The following NEU4 variants were observed in gnomAD, a reference collection of about 807,000 sequenced individuals.
The protein encoded by NEU4 is neuraminidase 4.
NEU4 carries 7 observed loss-of-function variants against 9.9 expected under a neutral mutation model. The observed-to-expected ratio is 0.71, with a 90% CI of 0.40 to 1.33. NEU4 has a LOEUF of 1.33. Among genes scored for constraint, NEU4 ranks in the 40% most tolerant of loss-of-function variants. The pLI, the probability that NEU4 is intolerant of heterozygous loss-of-function variation, is 0.01. For missense variants in NEU4, 717 were observed against 712.6 expected (o/e 1.01, Z -0.07); for synonymous variants, 348 against 316.9 (o/e 1.10, Z -1.04).
intron 3 of NEU4, chr2:241,815,817 C>G: frequency 1.7e-6 from 1 of 598,154 alleles, no homozygotes; most frequent in Non-Finnish European, 3.0e-6. Context: ...GGGCAGCGCT[C>G]ACCAGCCTCC....
rs113253790 is a variant in NEU4, at chr2:241,816,358, C to T, written c.765C>T (p.Asp255=). 142 of 1,587,976 alleles carry T rather than the reference C, an allele frequency of 8.9e-5. 1 individual carries two copies. In the African/African-American group the frequency reaches 9.8e-4, roughly 11 times the overall value. The stretch of plus-strand genomic sequence containing the variant: ...GCCGTGTGCAGGCGCTCAGCACTGA[C>T]GAGGGCACCTCCTTCCTGCCCGCAG... The part of the protein sequence containing the change: ...LGSRVQALST[D]EGTSFLPAER... Residue 255 remains aspartate, a synonymous_variant, in exon 4 of 4, where the codon GAC becomes GAT. Coordinates refer to ENST00000407683, the MANE Select transcript of NEU4 (RefSeq NM_001167600.3).
chr2:241,816,423 A>G lies in NEU4; in HGVS notation c.830A>G (p.Gln277Arg). Residue 277 changes from glutamine to arginine, a missense_variant, in exon 4 of 4, where the codon CAG becomes CGG. Gln to Arg is a conservative substitution (Grantham distance 43, BLOSUM62 1). Transcript: ENST00000407683. ...CTGCCCGAGACTGCCTGGGGCTGCCAGGGCAGCATCGTGGGCTTCCCAGCC... is the reference window on the plus strand; with the variant it reads ...CTGCCCGAGACTGCCTGGGGCTGCCGGGGCAGCATCGTGGGCTTCCCAGCC... ...ASLPETAWGCQGSIVGFPAPA... is the reference protein window; with the variant it reads ...ASLPETAWGCRGSIVGFPAPA... The G allele has an allele frequency of 6.2e-7, 1 of 1,606,798 alleles. No individual in the cohort carries two copies. The highest frequency in any genetic ancestry group is 1.3e-5 in the African/African-American group (1 of 74,958).
chr2:241,814,715 G>A (rs1228032580), intron 2 of NEU4, 30 bp downstream of exon 2: 2 of 1,528,846 alleles, frequency 1.3e-6, no homozygotes, highest in East Asian at 2.4e-5. Flanking sequence ...CTCTGTGTGG[G>A]TGTAGTGGCC....
At chr2:241,811,223 G>T in intron 1 of NEU4, 1 of 1,244,126 alleles carries the variant, frequency 8.0e-7, no homozygotes, top group Non-Finnish European at 1.0e-6. Context: ...TTGACCTGCA[G>T]AGGGGAGCCT....
chr2:241,814,507 C>T lies in NEU4; in HGVS notation c.23C>T (p.Ser8Leu), dbSNP rs763668285. MGVPRTP[S>L]RTVLFERERT... ...AGCATGGGGGTCCCTCGTACCCCTT[C>T]ACGGACAGTGCTCTTCGAGCGGGAG... The change falls in exon 2 of 4, where the codon TCA (serine) becomes TTA (leucine). Residue 8 changes from serine (S) to leucine (L), a missense_variant. Ser to Leu is a moderately radical substitution (Grantham distance 145, BLOSUM62 -2). Transcript: ENST00000407683. 1 of 1,611,230 alleles carries T rather than the reference C, an allele frequency of 6.2e-7. No homozygotes were observed. The highest frequency in any genetic ancestry group is 1.1e-5 in the South Asian group (1 of 90,948).
chr2:241,811,267 T>C (rs1700104528), intron 1 of NEU4: 3 of 1,263,652 alleles, frequency 2.4e-6, no homozygotes, highest in Non-Finnish European at 3.0e-6. Flanking sequence ...GGCTCCTGGG[T>C]GCCCATCTGC....
Position 241,816,249 on chromosome 2 carries a change from G to A in NEU4, c.656G>A (p.Arg219His), listed in dbSNP as rs371140890. 15 of 1,607,946 alleles carry A rather than the reference G, an allele frequency of 9.3e-6. No homozygotes were observed. The highest frequency in any genetic ancestry group is 6.7e-5 in the Admixed American group (4 of 59,522). ...WRCGGLVPNLRSGECQLAAVD... is the reference protein window; with the variant it reads ...WRCGGLVPNLHSGECQLAAVD... ...TGTGGAGGCCTCGTGCCCAACCTGC[G>A]CTCAGGCGAGTGCCAGCTGGCAGCG... Residue 219 changes from arginine to histidine, a missense_variant, in exon 4 of 4, where the codon CGC (arginine) becomes CAC (histidine). Transcript: ENST00000407683.
chr2:241,811,472 G>T (rs1212682324), intron 1 of NEU4: 2 of 1,563,512 alleles, frequency 1.3e-6, no homozygotes, highest in Non-Finnish European at 1.7e-6. Flanking sequence ...GTGAGTCCCT[G>T]CCCTTTGCAC....
chr2:241,817,105 C>A lies in NEU4; in HGVS notation c.*57C>A. The stretch of plus-strand genomic sequence containing the variant: ...GTGCCTGGGGCAGAGGGGTGGAATA[C>A]GTTGGGGTGCCCCACGATAGCTGTG... On this transcript the variant is annotated 3_prime_UTR_variant, in exon 4 of 4. Coordinates refer to ENST00000407683, the MANE Select transcript of NEU4 (RefSeq NM_001167600.3). The A allele has an allele frequency of 6.8e-7, 1 of 1,462,376 alleles. No homozygotes were observed. 90.6% of individuals were successfully genotyped at this position (1,462,376 alleles called of 1,614,324 possible).
chr2:241,815,659 C>G (rs1700300988), intron 3 of NEU4: 1 of 519,228 alleles, frequency 1.9e-6, no homozygotes, highest in Non-Finnish European at 3.8e-6. Flanking sequence ...CCAGGCCTCA[C>G]CCACAACTTT....
rs1228678594 is a variant in NEU4, at chr2:241,817,068, C to T, written c.*20C>T. ...TCCTGACAGGCCTTCTGGCCGTGCC[C>T]ATGCCCCTTGGGTGCCTGGGGCAGA... On this transcript the variant is annotated 3_prime_UTR_variant, in exon 4 of 4. Coordinates refer to ENST00000407683, the MANE Select transcript of NEU4 (RefSeq NM_001167600.3). 6 of 1,554,116 alleles carry T rather than the reference C, an allele frequency of 3.9e-6. No individual in the cohort carries two copies. The highest frequency in any genetic ancestry group is 5.2e-6 in the Non-Finnish European group (6 of 1,153,488).
rs1218241609 is a variant in NEU4, at chr2:241,816,781, G to A, written c.1188G>A (p.Leu396=). ...CTCGGCTACACATGGGTATCCGCCTGAGCCAGTCCCCGCTGGACCCGCGCA... is the reference window on the plus strand; with the variant it reads ...CTCGGCTACACATGGGTATCCGCCTAAGCCAGTCCCCGCTGGACCCGCGCA... ...RRARLHMGIR[L]SQSPLDPRSW... Residue 396 remains leucine (L), a synonymous_variant, in exon 4 of 4, where the codon CTG becomes CTA. Coordinates refer to ENST00000407683, the MANE Select transcript of NEU4 (RefSeq NM_001167600.3). 7 of 1,591,556 alleles carry A rather than the reference G, an allele frequency of 4.4e-6. No homozygotes were observed. Among genetic ancestry groups the A allele is most frequent in the Non-Finnish European group, 8.5e-7 (1 of 1,170,204 alleles).
At chr2:241,811,472 G>A in intron 1 of NEU4, 2 of 1,563,512 alleles carry the variant, frequency 1.3e-6, no homozygotes, top group South Asian at 1.2e-5. Flanking sequence ...GTGAGTCCCT[G>A]CCCTTTGCAC....
rs867378508 is a variant in NEU4 at position 241,815,429 on chromosome 2, C to T, written c.457+282C>T. ...CTCCCCAGGACCGTCCTGCACCTCCCGTCCCAGGCAAATGGGTATTGATCA... is the reference window on the plus strand; with the variant it reads ...CTCCCCAGGACCGTCCTGCACCTCCTGTCCCAGGCAAATGGGTATTGATCA... On this transcript the variant is annotated intron_variant, in intron 3 of 3. Coordinates refer to ENST00000407683, the MANE Select transcript of NEU4 (RefSeq NM_001167600.3). 24 of 591,354 alleles carry T rather than the reference C, an allele frequency of 4.1e-5. 1 individual carries two copies. Among genetic ancestry groups the T allele is most frequent in the Non-Finnish European group, 5.7e-5 (18 of 315,148 alleles). The allele number at this position is 591,354 out of a possible 1,614,324, so 36.6% of individuals were successfully genotyped here.
At chr2:241,813,334 C>T in intron 1 of NEU4, 8 of 1,052,728 alleles carry the variant, frequency 7.6e-6, no homozygotes, top group Non-Finnish European at 9.2e-6. Flanking sequence ...TTCCCTTAGC[C>T]CCGCATCCAG....
chr2:241,816,869 G>T lies in NEU4; in HGVS notation c.1276G>T (p.Gly426Trp). 1.2e-6 allele frequency: 2 copies of T among 1,612,502 alleles called. No homozygotes were observed. The highest frequency in any genetic ancestry group is 8.5e-7 in the Non-Finnish European group (1 of 1,179,836). The change falls in exon 4 of 4, where the codon GGG (glycine) becomes TGG (tryptophan). Residue 426 changes from glycine (G) to tryptophan (W), a missense_variant. Physicochemically the swap from Gly to Trp is radical, Grantham distance 184 (BLOSUM62 -2). Transcript: ENST00000407683. The part of the protein sequence containing the change: ...PSGYSDLASI[G>W]PAPEGGLVFA... ...CGGCTACTCCGACCTGGCGTCCATC[G>T]GGCCGGCCCCTGAGGGGGGCCTGGT...
At chr2:241,812,469 C>T (rs879807720) in intron 1 of NEU4, among the ~76,000 whole-genome samples, 14 of 152,132 alleles carry the variant, frequency 9.2e-5, no homozygotes, top group East Asian at 1.9e-4. Flanking sequence ...GGCTGGCCTC[C>T]GAGACAGAGG....
intron 1 of NEU4, chr2:241,811,055 G>C: frequency 9.0e-7 from 1 of 1,112,234 alleles, no homozygotes; most frequent in Non-Finnish European, 1.1e-6. Flanking sequence ...AGAGGAGAGT[G>C]TGCACTCACG....
At chr2:241,813,477 G>A (rs1185976909) in intron 1 of NEU4, 12 of 1,163,802 alleles carry the variant, frequency 1.0e-5, no homozygotes, top group African/African-American at 5.0e-5. Context: ...GCTCGGCTCC[G>A]TCTGCCTTTG....
Sources: gnomAD v4.1 joint callset for allele counts (sites outside exome capture counted in the v4.1 genomes callset) on GRCh38, gnomAD v4.1.1 for gene constraint, MANE v1.5 for transcripts, NCBI Gene and HGNC (gene_info 2026-07-23, HGNC 2026-07-21) for gene names.